Variants in SSH2 observed in about 807,000 individuals in gnomAD.
SSH2 encodes protein phosphatase Slingshot homolog 2.
A neutral mutation model predicts 135.2 loss-of-function variants in SSH2; 37 were observed. The observed-to-expected ratio is 0.27, with a 90% CI of 0.21 to 0.36. SSH2 has a LOEUF of 0.36. Among genes scored for constraint, SSH2 ranks in the 10% least tolerant of loss-of-function variants. SSH2 has a pLI of 1.00. For missense variants in SSH2, 1,408 were observed against 1,765.3 expected (o/e 0.80, Z 3.63); for synonymous variants, 628 against 646.2 (o/e 0.97, Z 0.43).
At chr17:29,711,998 T>C (rs1358430188) in intron 3 of SSH2, among the ~76,000 whole-genome samples, 1 of 152,232 alleles carries the variant, frequency 6.6e-6, no homozygotes, top group Non-Finnish European at 1.5e-5. Flanking sequence ...GTTCCCAATG[T>C]GGTCGGGGCA....
chr17:29,925,212 A>G, intron 1 of SSH2: 1 of 229,756 alleles, frequency 4.4e-6, no homozygotes, highest in Non-Finnish European at 8.3e-6. Flanking sequence ...ACAGAAAACT[A>G]AAATATTATT....
At chr17:29,821,139 C>A (rs1294318064) in intron 2 of SSH2, among the ~76,000 whole-genome samples, 1 of 152,188 alleles carries the variant, frequency 6.6e-6, no homozygotes, top group East Asian at 1.9e-4. Flanking sequence ...ATGCAAAATT[C>A]AAAGTCTCTG....
chr17:29,670,302 T>C (rs1345623605), intron 9 of SSH2, among the ~76,000 whole-genome samples: 1 of 152,182 alleles, frequency 6.6e-6, no homozygotes, highest in Non-Finnish European at 1.5e-5. Flanking sequence ...CTGAAACCCA[T>C]CATCCAGCTG....
intron 3 of SSH2, among the ~76,000 whole-genome samples, chr17:29,749,868 A>G (rs2040874132): frequency 6.6e-6 from 1 of 151,992 alleles, no homozygotes; most frequent in Non-Finnish European, 1.5e-5. Flanking sequence ...CTGAGATTAC[A>G]GGTGCCCGCC....
intron 2 of SSH2, among the ~76,000 whole-genome samples, chr17:29,820,897 G>A (rs541654846): frequency 1.1e-3 from 170 of 152,176 alleles, no homozygotes; most frequent in Middle Eastern, 0.01. Flanking sequence ...AGGGGTACTT[G>A]GACTATGCAG....
intron 2 of SSH2, among the ~76,000 whole-genome samples, chr17:29,846,040 ATTT>A (rs34670451): frequency 7.0e-6 from 1 of 142,370 alleles, no homozygotes. Context: ...AAACTGAACA[ATTT>A]TTTTTTTTTT....
chr17:29,741,940 T>C (rs1411088229), intron 3 of SSH2, among the ~76,000 whole-genome samples: 48 of 144,608 alleles, frequency 3.3e-4, no homozygotes, highest in East Asian at 1.4e-3. Flanking sequence ...TTTTCTTTTT[T>C]TTTTTTTTTT....
intron 2 of SSH2, among the ~76,000 whole-genome samples, chr17:29,845,919 C>A (rs754373726): frequency 3.3e-5 from 5 of 152,070 alleles, no homozygotes; most frequent in Non-Finnish European, 7.4e-5. Context: ...TTTCCCCACG[C>A]GTCCAACTTC....
chr17:29,648,116 G>A (rs759297736), intron 14 of SSH2, 28 bp downstream of exon 14: 2 of 1,603,810 alleles, frequency 1.2e-6, no homozygotes, highest in Middle Eastern at 2.0e-4. Context: ...TTAAAAGGAG[G>A]GAGAATTGGA....
intron 1 of SSH2, among the ~76,000 whole-genome samples, chr17:29,849,395 C>T (rs552205854): frequency 6.7e-6 from 1 of 148,332 alleles, no homozygotes; most frequent in Non-Finnish European, 1.5e-5. Flanking sequence ...AGGAGAATGG[C>T]GTGAACCCGG....
At chr17:29,717,521 G>A (rs535348394) in intron 3 of SSH2, among the ~76,000 whole-genome samples, 2 of 152,316 alleles carry the variant, frequency 1.3e-5, no homozygotes, top group South Asian at 4.1e-4. Flanking sequence ...GCAACAACTG[G>A]CCAGAGATGA....
intron 3 of SSH2, among the ~76,000 whole-genome samples, chr17:29,703,732 C>T (rs1434090527): frequency 6.6e-6 from 1 of 152,128 alleles, no homozygotes; most frequent in Non-Finnish European, 1.5e-5. Flanking sequence ...GAGCGAGCCA[C>T]CACGACCAGC....
chr17:29,900,943 G>A (rs1257349859), intron 1 of SSH2, among the ~76,000 whole-genome samples: 1 of 152,144 alleles, frequency 6.6e-6, no homozygotes, highest in Non-Finnish European at 1.5e-5. Flanking sequence ...GGAATACTAT[G>A]CAGCCATAAA....
chr17:29,905,496 C>T lies in SSH2; in HGVS notation c.63+24442G>A, dbSNP rs117366173. ...CCAAGTTGTAGCTGCAGGTCTGAGC[C>T]TCCTTGTGCTTTTGGGGAGCTGGGA... On this transcript the variant is annotated intron_variant, in intron 1 of 15. Transcript: ENST00000540801. 1.1e-3 allele frequency among the ~76,000 whole-genome samples: 165 copies of T among 152,332 alleles called. 3 individuals carry two copies. In the East Asian group the frequency reaches 0.027, roughly 25 times the overall value.
At position 29,636,100 on chromosome 17, in the gene SSH2, C is replaced by T; in HGVS notation, c.2130G>A (p.Arg710=). The T allele has an allele frequency of 6.2e-7, 1 of 1,614,256 alleles. No homozygotes were observed. The highest frequency in any genetic ancestry group is 8.5e-7 in the Non-Finnish European group (1 of 1,180,052). ...CCACTGACAGTCGACAGCTCTCATT[C>T]CTTCCTCCACCCAGTTCCTCCATCC... is the stretch of plus-strand genomic sequence containing the variant. The part of the protein sequence containing the change: ...HSRMEELGGG[R]NESCRLSVVE... Residue 710 remains arginine (R), a synonymous_variant, in exon 15 of 16, where the codon AGG becomes AGA. Transcript: ENST00000540801.
intron 2 of SSH2, among the ~76,000 whole-genome samples, chr17:29,800,632 ATAAT>A (rs1208387502): frequency 5.3e-5 from 8 of 151,880 alleles, no homozygotes; most frequent in South Asian, 2.1e-4. Flanking sequence ...AAATAATTAA[ATAAT>A]TAAATAAATT....
intron 1 of SSH2, among the ~76,000 whole-genome samples, chr17:29,859,646 G>A (rs2065726148): frequency 6.6e-6 from 1 of 152,170 alleles, no homozygotes; most frequent in South Asian, 2.1e-4. Context: ...TGGCTGCATA[G>A]TATTTCGTAG....
rs537762901 is a variant in SSH2 at position 29,901,502 on chromosome 17, T to A, written c.63+28436A>T. ...GTCAAAAAGGCAAACATTAGAATAT[T>A]CAGGAAAATCCAGCAATATATGCTC... On this transcript the variant is annotated intron_variant, in intron 1 of 15. Coordinates refer to ENST00000540801, the MANE Select transcript of SSH2 (RefSeq NM_001282129.2). Among the ~76,000 whole-genome samples the A allele has an allele frequency of 3.3e-5, 5 of 152,294 alleles. No individual in the cohort carries two copies. In the South Asian group the frequency reaches 1.0e-3, roughly 32 times the overall value.
chr17:29,845,365 A>C (rs1788126570), intron 2 of SSH2, among the ~76,000 whole-genome samples: 1 of 152,116 alleles, frequency 6.6e-6, no homozygotes, highest in Admixed American at 6.6e-5. Context: ...TCCATTTGAC[A>C]TGGGGGTGGG....
Sources: allele counts gnomAD v4.1 joint callset (sites outside exome capture counted in the v4.1 genomes callset), GRCh38; gene constraint gnomAD v4.1.1; transcripts MANE v1.5; gene names NCBI Gene and HGNC (gene_info 2026-07-23, HGNC 2026-07-21).